Variants in DSCAM observed in about 807,000 individuals in gnomAD.
DSCAM encodes the protein cell adhesion molecule DSCAM.
A neutral mutation model predicts 217.7 loss-of-function variants in DSCAM; 47 were observed. The observed-to-expected ratio is 0.22, with a 90% CI of 0.17 to 0.28. The LOEUF is 0.28. Ranked by LOEUF, DSCAM falls within the 10% of genes least tolerant of loss-of-function variation. DSCAM has a pLI of 1.00. For missense variants in DSCAM, 2,080 were observed against 2,618.3 expected (o/e 0.79, Z 4.49); for synonymous variants, 1,056 against 1,015.3 (o/e 1.04, Z -0.76).
chr21:40,615,469 T>TCAG (rs397735657), intron 3 of DSCAM: 2 of 150,874 alleles, frequency 1.3e-5, no homozygotes, highest in Non-Finnish European at 3.0e-5. Flanking sequence ...GATCTCTTCA[T>TCAG]TATCTTCAAT....
chr21:40,159,069 G>A (rs2090509966), intron 16 of DSCAM, among the ~76,000 whole-genome samples: 1 of 152,178 alleles, frequency 6.6e-6, no homozygotes, highest in African/African-American at 2.4e-5. Context: ...GAAAATAGCT[G>A]TGCCCTCCTG....
chr21:40,764,479 G>A (rs1271867017), intron 1 of DSCAM, among the ~76,000 whole-genome samples: 2 of 152,166 alleles, frequency 1.3e-5, no homozygotes, highest in Non-Finnish European at 2.9e-5. Flanking sequence ...CAGAGAAATA[G>A]GAACACTTTC....
At chr21:40,317,983 G>A (rs1018449239) in intron 8 of DSCAM, among the ~76,000 whole-genome samples, 16 of 152,124 alleles carry the variant, frequency 1.1e-4, no homozygotes, top group African/African-American at 3.9e-4. Flanking sequence ...TTTCATCCAT[G>A]TCCCTACAAA....
Position 40,767,888 on chromosome 21 carries a change from T to C in DSCAM, c.44-59117A>G, listed in dbSNP as rs9976575. Among the ~76,000 whole-genome samples, 96 of 151,072 alleles carry C rather than the reference T, an allele frequency of 6.4e-4. 1 individual carries two copies. Among genetic ancestry groups the C allele is most frequent in the African/African-American group, 1.5e-3 (60 of 41,198 alleles). On this transcript the variant is annotated intron_variant, in intron 1 of 32. Coordinates refer to ENST00000400454, the MANE Select transcript of DSCAM (RefSeq NM_001389.5). ...ATACATGGCTCACCATTTTCTCTCT[T>C]TCTCTCTCTCCCTGTGTGTGTGTGC...
At chr21:40,632,472 G>A (rs755256206) in intron 3 of DSCAM, among the ~76,000 whole-genome samples, 8 of 152,068 alleles carry the variant, frequency 5.3e-5, no homozygotes, top group Non-Finnish European at 1.0e-4. Flanking sequence ...ACATAATAAA[G>A]AGCTGTTTTA....
At chr21:40,714,021 A>C (rs958159679) in intron 1 of DSCAM, among the ~76,000 whole-genome samples, 2 of 152,172 alleles carry the variant, frequency 1.3e-5, no homozygotes, top group African/African-American at 4.8e-5. Context: ...ACTAATCATA[A>C]ACTTTGGTGG....
At chr21:40,720,657 A>C (rs2090891644) in intron 1 of DSCAM, among the ~76,000 whole-genome samples, 1 of 152,092 alleles carries the variant, frequency 6.6e-6, no homozygotes, top group South Asian at 2.1e-4. Context: ...GTCTTCACTA[A>C]AGTTTCAGAC....
At chr21:40,698,965 C>T (rs565033493) in intron 2 of DSCAM, among the ~76,000 whole-genome samples, 2 of 149,486 alleles carry the variant, frequency 1.3e-5, no homozygotes, top group South Asian at 4.4e-4. Flanking sequence ...GTGCGTTTCT[C>T]ACATGAAATA....
chr21:40,391,901 G>C (rs536422313), intron 3 of DSCAM, among the ~76,000 whole-genome samples: 1 of 152,274 alleles, frequency 6.6e-6, no homozygotes, highest in African/African-American at 2.4e-5. Flanking sequence ...CAGGAAGTTT[G>C]GCTAGCCCCT....
chr21:40,255,758 T>G (rs1404207358), intron 11 of DSCAM, among the ~76,000 whole-genome samples: 1 of 152,148 alleles, frequency 6.6e-6, no homozygotes, highest in Admixed American at 6.6e-5. Context: ...ATGCAAGGAA[T>G]AGAATGAGGC....
chr21:40,553,901 A>G (rs2076649883), intron 3 of DSCAM, among the ~76,000 whole-genome samples: 1 of 152,196 alleles, frequency 6.6e-6, no homozygotes, highest in Non-Finnish European at 1.5e-5. Flanking sequence ...ACTGAGGCCC[A>G]ACAGGTTACG....
chr21:40,043,297 C>T (rs1438336741), intron 31 of DSCAM, among the ~76,000 whole-genome samples: 1 of 152,144 alleles, frequency 6.6e-6, no homozygotes, highest in Non-Finnish European at 1.5e-5. Flanking sequence ...GAGATGTCTG[C>T]GTTTCAAATG....
chr21:40,460,578 C>T (rs1227942791), intron 3 of DSCAM, among the ~76,000 whole-genome samples: 1 of 151,990 alleles, frequency 6.6e-6, no homozygotes, highest in East Asian at 1.9e-4. Flanking sequence ...TAGATCTTTC[C>T]TTAAACTGTG....
chr21:40,558,262 C>T (rs1436146068), intron 3 of DSCAM, among the ~76,000 whole-genome samples: 5 of 151,890 alleles, frequency 3.3e-5, no homozygotes, highest in South Asian at 4.1e-4. Flanking sequence ...CTGGTTAACA[C>T]GGTGAAACCC....
chr21:40,440,771 G>A (rs1368323637), intron 3 of DSCAM, among the ~76,000 whole-genome samples: 191 of 99,568 alleles, frequency 1.9e-3, no homozygotes, highest in East Asian at 8.1e-3. Context: ...ACTGAGCAAC[G>A]TAGCCTCAGG....
At chr21:40,192,927 C>A (rs184405879) in intron 11 of DSCAM, among the ~76,000 whole-genome samples, 1 of 151,972 alleles carries the variant, frequency 6.6e-6, no homozygotes, top group African/African-American at 2.4e-5. Flanking sequence ...CATTTTTTTC[C>A]AGGAGAGATT....
intron 8 of DSCAM, among the ~76,000 whole-genome samples, chr21:40,318,873 G>A (rs1282103177): frequency 6.6e-6 from 1 of 152,110 alleles, no homozygotes. Flanking sequence ...GATATTAACT[G>A]ACATTGACCT....
intron 3 of DSCAM, among the ~76,000 whole-genome samples, chr21:40,536,818 A>G (rs1415889926): frequency 6.6e-6 from 1 of 152,228 alleles, no homozygotes; most frequent in Non-Finnish European, 1.5e-5. Flanking sequence ...AAGAGGACAC[A>G]GAAAATTTTG....
intron 10 of DSCAM, among the ~76,000 whole-genome samples, chr21:40,282,459 C>T (rs1009705584): frequency 2.6e-5 from 4 of 151,236 alleles, no homozygotes; most frequent in African/African-American, 4.9e-5. Flanking sequence ...GGCGTGGTAG[C>T]GGGCGCCTGT....
Sources: gnomAD v4.1 joint callset for allele counts (sites outside exome capture counted in the v4.1 genomes callset) on GRCh38, gnomAD v4.1.1 for gene constraint, MANE v1.5 for transcripts, NCBI Gene and HGNC (gene_info 2026-07-23, HGNC 2026-07-21) for gene names.